Variants in C1orf87 observed in about 807,000 individuals in gnomAD.
C1orf87 encodes chromosome 1 open reading frame 87, also known as uncharacterized protein C1orf87.
C1orf87 carries 58 observed loss-of-function variants against 60.5 expected under a neutral mutation model. The observed-to-expected ratio is 0.96, with a 90% CI of 0.78 to 1.19. The LOEUF is 1.19. Ranked by LOEUF, C1orf87 falls within the 50% of genes most tolerant of loss-of-function variation. The probability of loss-of-function intolerance (pLI) is 0.00; values close to 1 mark genes in which losing one functional copy is unlikely to be tolerated. For missense variants in C1orf87, 673 were observed against 638.6 expected, an observed-to-expected ratio of 1.05 and a Z score of -0.58; for synonymous variants, 236 against 227.4, an observed-to-expected ratio of 1.04 and a Z score of -0.34.
chr1:60,058,965 G>A (rs1645475745), intron 2 of C1orf87, among the ~76,000 whole-genome samples: 3 of 152,178 alleles, frequency 2.0e-5, no homozygotes, highest in Admixed American at 2.0e-4. Flanking sequence ...TTTGTGGGCA[G>A]TGTCAGGACA....
intron 3 of C1orf87, among the ~76,000 whole-genome samples, chr1:60,052,183 A>G (rs1645419423): frequency 6.6e-6 from 1 of 152,254 alleles, no homozygotes; most frequent in South Asian, 2.1e-4. Flanking sequence ...TTAAAGCACT[A>G]ACACTTTCAT....
chr1:60,053,803 GA>G (rs1273760122), intron 3 of C1orf87, among the ~76,000 whole-genome samples: 1 of 151,456 alleles, frequency 6.6e-6, no homozygotes, highest in Non-Finnish European at 1.5e-5. Flanking sequence ...TTTAAGTAAA[GA>G]AAAAAAAGAA....
chr1:60,025,386 T>A lies in C1orf87; in HGVS notation c.1127+15A>T. On this transcript the variant is annotated intron_variant, in intron 8 of 11. Coordinates refer to ENST00000371201, the MANE Select transcript of C1orf87 (RefSeq NM_152377.3). ...GTGGATACAAACATTCAGTTCTTAATAAGAGTTGACTTACTTTATTTCATT... is the reference window on the plus strand; with the variant it reads ...GTGGATACAAACATTCAGTTCTTAAAAAGAGTTGACTTACTTTATTTCATT... 1.3e-6 allele frequency: 2 copies of A among 1,589,620 alleles called. No homozygotes were observed. The highest frequency in any genetic ancestry group is 1.7e-6 in the Non-Finnish European group (2 of 1,159,472).
chr1:60,012,730 G>A lies in C1orf87; in HGVS notation c.1128-2274C>T, dbSNP rs910277277. 6.6e-5 allele frequency among the ~76,000 whole-genome samples: 10 copies of A among 152,204 alleles called. 1 individual carries two copies. Among genetic ancestry groups the A allele is most frequent in the Admixed American group, 6.5e-4 (10 of 15,282 alleles). On this transcript the variant is annotated intron_variant, in intron 8 of 11. Coordinates refer to ENST00000371201, the MANE Select transcript of C1orf87 (RefSeq NM_152377.3). ...TTAACTGAGTTTTTCAAGTTAAAAT[G>A]GCATGGAGTGAACATTCTGAGTACT... is the stretch of plus-strand genomic sequence containing the variant.
intron 2 of C1orf87, among the ~76,000 whole-genome samples, chr1:60,063,026 G>A (rs1172909687): frequency 5.3e-5 from 8 of 152,006 alleles, no homozygotes; most frequent in Non-Finnish European, 1.2e-4. Context: ...ATTATTCCAG[G>A]ATATTAATAC....
chr1:60,044,443 TTATGA>T (rs2100302779), intron 3 of C1orf87, among the ~76,000 whole-genome samples: 1 of 152,344 alleles, frequency 6.6e-6, no homozygotes, highest in East Asian at 1.9e-4. Context: ...TTCTAAAACC[TTATGA>T]TATATTTATT....
intron 7 of C1orf87, among the ~76,000 whole-genome samples, chr1:60,029,637 GTTTT>G (rs34501342): frequency 2.1e-5 from 2 of 95,648 alleles, no homozygotes; most frequent in African/African-American, 8.4e-5. Flanking sequence ...GTCCCCCCAA[GTTTT>G]TTTTTTTTTT....
chr1:60,066,896 T>G (rs1645550796), intron 2 of C1orf87, among the ~76,000 whole-genome samples: 1 of 152,142 alleles, frequency 6.6e-6, no homozygotes, highest in African/African-American at 2.4e-5. Context: ...TTTTCATTGT[T>G]CACCTCCCAC....
chr1:60,026,861 T>C (rs147952713), intron 7 of C1orf87, among the ~76,000 whole-genome samples: 1 of 152,296 alleles, frequency 6.6e-6, no homozygotes, highest in East Asian at 1.9e-4. Context: ...AAACCTCGTT[T>C]CATGCACAAA....
At chr1:60,073,111 G>A (rs1645595177) in intron 1 of C1orf87, among the ~76,000 whole-genome samples, 1 of 152,220 alleles carries the variant, frequency 6.6e-6, no homozygotes, top group Non-Finnish European at 1.5e-5. Flanking sequence ...TATGAGATCA[G>A]GGTAATTCTA....
intron 8 of C1orf87, among the ~76,000 whole-genome samples, chr1:60,017,388 T>C (rs12732780): frequency 0.14 from 21,273 of 152,174 alleles, 1,681 homozygotes; most frequent in East Asian, 0.22. Flanking sequence ...CCAGTCTTTT[T>C]CAACTTAATT....
chr1:60,040,032 C>A lies in C1orf87; in HGVS notation c.632G>T (p.Gly211Val). 1 of 1,614,102 alleles carries A rather than the reference C, an allele frequency of 6.2e-7. No individual in the cohort carries two copies. Among genetic ancestry groups the A allele is most frequent in the Non-Finnish European group, 8.5e-7 (1 of 1,180,014 alleles). The change falls in exon 5 of 12, where the codon GGA becomes GTA. Residue 211 changes from glycine (G) to valine (V), a missense_variant. By Grantham distance (109) the Gly-to-Val change is moderately radical (BLOSUM62 -3). Coordinates refer to ENST00000371201, the MANE Select transcript of C1orf87 (RefSeq NM_152377.3). ...ELKILDPISS[G>V]FLLQSQLSRL... ...GCTCAGCTGAGATTGGAGAAGAAATCCTGAAGAGATTGGGTCCAGGATCTT... is the reference window on the plus strand; with the variant it reads ...GCTCAGCTGAGATTGGAGAAGAAATACTGAAGAGATTGGGTCCAGGATCTT...
intron 2 of C1orf87, among the ~76,000 whole-genome samples, chr1:60,067,559 G>GT (rs1645555840): frequency 7.8e-4 from 104 of 133,042 alleles, no homozygotes; most frequent in African/African-American, 1.1e-3. Context: ...TTTTTGATGG[G>GT]GTTTTTTTTT....
chr1:60,030,613 A>G (rs1288596727), intron 7 of C1orf87, among the ~76,000 whole-genome samples: 1 of 152,270 alleles, frequency 6.6e-6, no homozygotes, highest in Non-Finnish European at 1.5e-5. Flanking sequence ...TGAAGCAGAA[A>G]GAGGATGAGT....
chr1:60,001,029 G>A (rs962470483), intron 10 of C1orf87, 48 bp downstream of exon 10: 3 of 1,480,428 alleles, frequency 2.0e-6, no homozygotes, highest in Non-Finnish European at 2.8e-6. Flanking sequence ...AAAAGGCCAA[G>A]TATCCATGAA....
At chr1:60,013,920 T>C (rs928527642) in intron 8 of C1orf87, among the ~76,000 whole-genome samples, 3 of 152,146 alleles carry the variant, frequency 2.0e-5, no homozygotes, top group Admixed American at 6.6e-5. Context: ...ACATACCCCA[T>C]ATTGGTATAG....
chr1:60,073,403 T>C (rs957265542), intron 1 of C1orf87, among the ~76,000 whole-genome samples: 1 of 152,120 alleles, frequency 6.6e-6, no homozygotes, highest in Non-Finnish European at 1.5e-5. Flanking sequence ...CTTCACAGAT[T>C]GGAAAACTAA....
At chr1:60,021,383 G>A (rs1377062385) in intron 8 of C1orf87, among the ~76,000 whole-genome samples, 1 of 152,156 alleles carries the variant, frequency 6.6e-6, no homozygotes, top group Non-Finnish European at 1.5e-5. Flanking sequence ...TACAAATACT[G>A]ATAAGTGTTA....
At chr1:60,065,944 T>C (rs1645543454) in intron 2 of C1orf87, among the ~76,000 whole-genome samples, 1 of 152,160 alleles carries the variant, frequency 6.6e-6, no homozygotes, top group Admixed American at 6.5e-5. Flanking sequence ...TTTTTTGGTT[T>C]CATGGTGCAC....
Sources: gnomAD v4.1 joint callset for allele counts (sites outside exome capture counted in the v4.1 genomes callset) on GRCh38, gnomAD v4.1.1 for gene constraint, MANE v1.5 for transcripts, NCBI Gene and HGNC (gene_info 2026-07-23, HGNC 2026-07-21) for gene names.